Variants in RAB38 observed in about 807,000 individuals in gnomAD.
RAB38 encodes the protein RAB38, member RAS oncogene family, also known as ras-related protein Rab-38.
In RAB38, 15 loss-of-function variants were observed where a neutral mutation model predicts 18.4. That is an observed-to-expected ratio of 0.82 (90% confidence interval 0.55 to 1.26). The LOEUF is 1.26. Ranked by LOEUF, RAB38 falls within the 50% of genes most tolerant of loss-of-function variation. The pLI, the probability that RAB38 is intolerant of heterozygous loss-of-function variation, is 0.00. For synonymous variants in RAB38, 101 were observed against 104.4 expected (o/e 0.97, Z 0.20); for missense variants, 294 against 267.4 (o/e 1.10, Z -0.69).
chr11:87,878,974 T>A, the RAB38 span, among the ~76,000 whole-genome samples: 2 of 84,400 alleles, frequency 2.4e-5, no homozygotes, highest in East Asian at 2.9e-4. Context: ...ATTACTGATT[T>A]TTTTTTTTTT....
the RAB38 span, among the ~76,000 whole-genome samples, chr11:87,868,273 C>T: frequency 1.3e-5 from 2 of 151,512 alleles, no homozygotes; most frequent in African/African-American, 4.8e-5. Context: ...ATGAGCCTGG[C>T]ACCTCTTTCC....
chr11:88,058,563 A>G, the RAB38 span, among the ~76,000 whole-genome samples: 1 of 152,220 alleles, frequency 6.6e-6, no homozygotes, highest in Admixed American at 6.5e-5. Flanking sequence ...AAGACATTAC[A>G]TAAAAGGGAT....
the RAB38 span, among the ~76,000 whole-genome samples, chr11:87,922,201 T>C: frequency 6.6e-6 from 1 of 152,006 alleles, no homozygotes; most frequent in Non-Finnish European, 1.5e-5. Flanking sequence ...GTAATTATAT[T>C]GCATTAGGGA....
the RAB38 span, among the ~76,000 whole-genome samples, chr11:88,082,762 T>C: frequency 6.6e-6 from 1 of 151,932 alleles, no homozygotes; most frequent in African/African-American, 2.4e-5. Context: ...TCCTAATTTT[T>C]GCAATTGCTC....
At chr11:87,804,681 A>G in the RAB38 span, among the ~76,000 whole-genome samples, 1 of 152,078 alleles carries the variant, frequency 6.6e-6, no homozygotes, top group Non-Finnish European at 1.5e-5. Flanking sequence ...GGTGCCCTCC[A>G]AAACTTATCT....
At chr11:87,958,470 C>G in the RAB38 span, among the ~76,000 whole-genome samples, 1 of 152,120 alleles carries the variant, frequency 6.6e-6, no homozygotes, top group African/African-American at 2.4e-5. Context: ...ATTCTTTCCA[C>G]TGCTAGTGTT....
chr11:88,047,184 A>C, the RAB38 span, among the ~76,000 whole-genome samples: 1 of 152,052 alleles, frequency 6.6e-6, no homozygotes, highest in Non-Finnish European at 1.5e-5. Context: ...CGGCTCCTTC[A>C]GCTGTACTCA....
the RAB38 span, among the ~76,000 whole-genome samples, chr11:87,942,916 T>C: frequency 6.6e-6 from 1 of 152,224 alleles, no homozygotes; most frequent in Non-Finnish European, 1.5e-5. Flanking sequence ...GAGAGGACCA[T>C]GACTTGCTGA....
chr11:87,896,713 G>A, the RAB38 span, among the ~76,000 whole-genome samples: 5 of 151,654 alleles, frequency 3.3e-5, no homozygotes, highest in African/African-American at 9.7e-5. Flanking sequence ...TCCCGAATGT[G>A]CTTGTTGTGC....
chr11:87,824,808 G>A, the RAB38 span, among the ~76,000 whole-genome samples: 1 of 152,124 alleles, frequency 6.6e-6, no homozygotes, highest in Non-Finnish European at 1.5e-5. Context: ...AGACACTAGA[G>A]GTGAGGACTG....
At chr11:88,159,844 A>T (rs1340706034) in intron 1 of RAB38, among the ~76,000 whole-genome samples, 3 of 152,106 alleles carry the variant, frequency 2.0e-5, no homozygotes, top group Non-Finnish European at 2.9e-5. Context: ...TGGAATGAAG[A>T]TTTAAATGTA....
the RAB38 span, among the ~76,000 whole-genome samples, chr11:87,914,303 G>GT: frequency 6.6e-6 from 1 of 152,108 alleles, no homozygotes; most frequent in Non-Finnish European, 1.5e-5. Flanking sequence ...GAAATGGAGA[G>GT]TATTTATTTG....
chr11:87,821,730 A>C, the RAB38 span, among the ~76,000 whole-genome samples: 1 of 151,992 alleles, frequency 6.6e-6, no homozygotes, highest in Admixed American at 6.6e-5. Context: ...GGGTACCTGT[A>C]ATCTCAGCTA....
the RAB38 span, among the ~76,000 whole-genome samples, chr11:88,103,110 C>A: frequency 6.6e-6 from 1 of 151,948 alleles, no homozygotes; most frequent in Admixed American, 6.6e-5. Context: ...TTAATATTTA[C>A]TGAATGTCTA....
At chr11:88,093,205 A>G in the RAB38 span, among the ~76,000 whole-genome samples, 1 of 151,922 alleles carries the variant, frequency 6.6e-6, no homozygotes, top group Non-Finnish European at 1.5e-5. Context: ...AGGCAACTTC[A>G]CAGACTTTTG....
At chr11:87,975,872 T>G in the RAB38 span, among the ~76,000 whole-genome samples, 1 of 151,328 alleles carries the variant, frequency 6.6e-6, no homozygotes, top group Non-Finnish European at 1.5e-5. Context: ...CAACACAAAT[T>G]AGCAATGTCA....
At chr11:87,812,489 A>G in the RAB38 span, among the ~76,000 whole-genome samples, 1 of 152,218 alleles carries the variant, frequency 6.6e-6, no homozygotes, top group Admixed American at 6.5e-5. Context: ...TTGGAGAAAT[A>G]GGGTTTGTAT....
chr11:87,819,680 A>G, the RAB38 span, among the ~76,000 whole-genome samples: 160 of 145,634 alleles, frequency 1.1e-3, no homozygotes, highest in Non-Finnish European at 1.6e-3. Flanking sequence ...ATATATGTGT[A>G]TATATATATA....
the RAB38 span, among the ~76,000 whole-genome samples, chr11:87,858,854 C>T: frequency 8.9e-3 from 1,341 of 151,288 alleles, 10 homozygotes; most frequent in Middle Eastern, 0.027. Context: ...AATGACAATT[C>T]ATTCATAAAC....
Sources: allele counts gnomAD v4.1 joint callset (sites outside exome capture counted in the v4.1 genomes callset), GRCh38; gene constraint gnomAD v4.1.1; transcripts MANE v1.5; gene names NCBI Gene and HGNC (gene_info 2026-07-23, HGNC 2026-07-21).